Variants in TNIK observed in about 807,000 individuals in gnomAD.
TNIK encodes the protein TRAF2 and NCK interacting kinase.
A neutral mutation model predicts 191.3 loss-of-function variants in TNIK; 49 were observed. The observed-to-expected ratio is 0.26, with a 90% CI of 0.20 to 0.32. TNIK has a LOEUF of 0.32. Among genes scored for constraint, TNIK ranks in the 10% least tolerant of loss-of-function variants. The pLI is 1.00. For missense variants in TNIK, 1,155 were observed against 1,702.3 expected, an observed-to-expected ratio of 0.68 and a Z score of 5.66; for synonymous variants, 594 against 600.9, an observed-to-expected ratio of 0.99 and a Z score of 0.17.
intron 3 of TNIK, among the ~76,000 whole-genome samples, chr3:171,227,942 G>T (rs1274152621): frequency 6.6e-6 from 1 of 152,120 alleles, no homozygotes; most frequent in Non-Finnish European, 1.5e-5. Context: ...TATAAAATAG[G>T]CTTTGTGATA....
chr3:171,254,455 A>G (rs1286643320), intron 2 of TNIK, among the ~76,000 whole-genome samples: 1 of 152,232 alleles, frequency 6.6e-6, no homozygotes, highest in Non-Finnish European at 1.5e-5. Flanking sequence ...TATAAAGCAG[A>G]GTCTCAAATA....
At chr3:171,171,202 GTC>G (rs1248006081) in intron 9 of TNIK, among the ~76,000 whole-genome samples, 2 of 152,192 alleles carry the variant, frequency 1.3e-5, no homozygotes, top group Non-Finnish European at 2.9e-5. Flanking sequence ...AATTTTTAAA[GTC>G]TGTGTAATAG....
intron 4 of TNIK, among the ~76,000 whole-genome samples, chr3:171,202,355 T>C (rs1422246067): frequency 6.6e-6 from 1 of 152,134 alleles, no homozygotes; most frequent in Non-Finnish European, 1.5e-5. Context: ...GGGTGAGGAA[T>C]GGTGAGCCAG....
intron 18 of TNIK, among the ~76,000 whole-genome samples, chr3:171,120,466 G>A (rs951339818): frequency 3.3e-4 from 50 of 151,772 alleles, no homozygotes; most frequent in African/African-American, 1.1e-3. Context: ...GACTACAGGC[G>A]CCTGCCACCA....
At chr3:171,412,214 A>G (rs1722515407) in intron 1 of TNIK, among the ~76,000 whole-genome samples, 1 of 152,196 alleles carries the variant, frequency 6.6e-6, no homozygotes, top group Non-Finnish European at 1.5e-5. Context: ...CTTAACCAAC[A>G]TTAGGCAGAC....
Position 171,177,363 on chromosome 3 carries a change from C to G in TNIK, c.657G>C (p.Leu219Phe). 1 of 1,606,450 alleles carries G rather than the reference C, an allele frequency of 6.2e-7. No individual in the cohort carries two copies. The highest frequency in any genetic ancestry group is 8.5e-7 in the Non-Finnish European group (1 of 1,176,372). ...CTGCCATTTCAATGGCGGTGATACC[C>G]AAAGACCACAAGTCACTCTGAAAAA... ...TYDFKSDLWS[L>F]GITAIEMAEG... Residue 219 changes from leucine to phenylalanine, a missense_variant, in exon 8 of 33, where the codon TTG becomes TTC. By Grantham distance (22) the Leu-to-Phe change is conservative. Transcript: ENST00000436636.
At position 171,068,838 on chromosome 3, in the gene TNIK, G is replaced by A. The variant is rs780087323; in HGVS notation, c.3699+10C>T. 2 of 1,610,004 alleles carry A rather than the reference G, an allele frequency of 1.2e-6. No individual in the cohort carries two copies. The highest frequency in any genetic ancestry group is 1.7e-6 in the Non-Finnish European group (2 of 1,178,072). Reference sequence around the variant, plus strand: ...AGAGAGCCCTTGAAAGTCTACTTCTGAGTACTTACATGAGATGGTATGTAG... The same window carrying A: ...AGAGAGCCCTTGAAAGTCTACTTCTAAGTACTTACATGAGATGGTATGTAG... On this transcript the variant is annotated intron_variant, in intron 30 of 32. Transcript: ENST00000436636.
chr3:171,131,672 C>CA (rs1354037483), intron 15 of TNIK, among the ~76,000 whole-genome samples: 5 of 152,310 alleles, frequency 3.3e-5, no homozygotes, highest in Admixed American at 2.6e-4. Flanking sequence ...AACGATGAGG[C>CA]ATCTCATTAC....
At chr3:171,364,903 T>C (rs1318886016) in intron 2 of TNIK, among the ~76,000 whole-genome samples, 6 of 152,014 alleles carry the variant, frequency 3.9e-5, no homozygotes, top group African/African-American at 1.4e-4. Flanking sequence ...GAGAACAAGG[T>C]GCTCATTCTA....
At chr3:171,280,629 GA>G (rs1432718277) in intron 2 of TNIK, among the ~76,000 whole-genome samples, 9 of 147,064 alleles carry the variant, frequency 6.1e-5, no homozygotes, top group Non-Finnish European at 1.3e-4. Context: ...ATGACACTAT[GA>G]AGTCTAAACT....
chr3:171,072,955 T>C lies in TNIK; in HGVS notation c.3449-1632A>G, dbSNP rs1001484218. On this transcript the variant is annotated intron_variant, in intron 28 of 32. Transcript: ENST00000436636. ...TGAATGGAAAAACATCCCGTGCTCA[T>C]GGATAGGAAGAATCAATATTGTTAA... is the stretch of plus-strand genomic sequence containing the variant. Among the ~76,000 whole-genome samples, 8 of 152,228 alleles carry C rather than the reference T, an allele frequency of 5.3e-5. No homozygotes were observed. The East Asian group carries it at 1.5e-3, about 29-fold the overall frequency.
intron 5 of TNIK, among the ~76,000 whole-genome samples, chr3:171,194,003 AT>A (rs1738360213): frequency 6.6e-6 from 1 of 152,060 alleles, no homozygotes; most frequent in East Asian, 1.9e-4. Context: ...GGTCACAAAG[AT>A]TTTTTTTAAA....
intron 2 of TNIK, among the ~76,000 whole-genome samples, chr3:171,306,799 G>A (rs997669270): frequency 2.2e-4 from 33 of 152,110 alleles, no homozygotes; most frequent in Non-Finnish European, 4.0e-4. Flanking sequence ...TCTGTGGTCA[G>A]AAGCAGCAAT....
chr3:171,427,178 T>A (rs1724752026), intron 1 of TNIK, among the ~76,000 whole-genome samples: 1 of 152,156 alleles, frequency 6.6e-6, no homozygotes, highest in African/African-American at 2.4e-5. Flanking sequence ...CCCAGATAGG[T>A]CTACTTCATA....
At chr3:171,231,297 TTTG>T (rs567551017) in intron 2 of TNIK, among the ~76,000 whole-genome samples, 5,467 of 151,512 alleles carry the variant, frequency 0.036, 135 homozygotes, top group Non-Finnish European at 0.05. Flanking sequence ...TGTTTTTTGT[TTTG>T]TTGTTGTTGT....
intron 1 of TNIK, among the ~76,000 whole-genome samples, chr3:171,412,243 G>A (rs1251325731): frequency 6.6e-6 from 1 of 152,208 alleles, no homozygotes; most frequent in Non-Finnish European, 1.5e-5. Flanking sequence ...CCCCAGAGCA[G>A]CAGTGTGTGA....
intron 2 of TNIK, among the ~76,000 whole-genome samples, chr3:171,279,048 T>C (rs1226740157): frequency 6.6e-6 from 1 of 152,140 alleles, no homozygotes; most frequent in East Asian, 1.9e-4. Flanking sequence ...GAACAAGTCT[T>C]CTAGCAGGAT....
intron 10 of TNIK, among the ~76,000 whole-genome samples, chr3:171,166,187 T>C (rs1371766910): frequency 2.0e-5 from 3 of 152,168 alleles, no homozygotes; most frequent in African/African-American, 7.2e-5. Flanking sequence ...AATGCAAAGT[T>C]CAAAAGTGAT....
intron 30 of TNIK, among the ~76,000 whole-genome samples, chr3:171,067,132 T>A (rs2108306011): frequency 6.6e-6 from 1 of 152,280 alleles, no homozygotes; most frequent in African/African-American, 2.4e-5. Flanking sequence ...AGAGTTGGGA[T>A]TTGTGTATAT....
Sources: gnomAD v4.1 joint callset for allele counts (sites outside exome capture counted in the v4.1 genomes callset) on GRCh38, gnomAD v4.1.1 for gene constraint, MANE v1.5 for transcripts, NCBI Gene and HGNC (gene_info 2026-07-23, HGNC 2026-07-21) for gene names.